The following ATP2A3 variants were observed in gnomAD, a reference collection of about 807,000 sequenced individuals.
ATP2A3 encodes ATPase sarcoplasmic/endoplasmic reticulum Ca2+ transporting 3, also known as sarcoplasmic/endoplasmic reticulum calcium ATPase 3.
Under a neutral mutation model 106.8 loss-of-function variants are expected in ATP2A3, and 61 were observed. The observed-to-expected ratio is 0.57, with a 90% CI of 0.46 to 0.71. The LOEUF (loss-of-function observed/expected upper bound fraction) is 0.71. ATP2A3 is among the 30% of genes least tolerant of loss of function. The probability of loss-of-function intolerance (pLI) is 0.00; values close to 1 mark genes in which losing one functional copy is unlikely to be tolerated. For missense variants in ATP2A3, 1,201 were observed against 1,423.5 expected (o/e 0.84, Z 2.52); for synonymous variants, 611 against 609.3 (o/e 1.00, Z -0.04).
intron 17 of ATP2A3, among the ~76,000 whole-genome samples, chr17:3,932,572 T>A (rs1157697551): frequency 1.3e-5 from 2 of 152,206 alleles, no homozygotes; most frequent in Non-Finnish European, 2.9e-5. Context: ...CCCAAGTAGC[T>A]GAGACTCCAG....
chr17:3,951,204 T>A, intron 5 of ATP2A3, 47 bp downstream of exon 5: 2 of 1,232,940 alleles, frequency 1.6e-6, no homozygotes, highest in Non-Finnish European at 1.0e-6. Context: ...ATAAAATAAA[T>A]AAATAAATAA....
At position 3,953,949 on chromosome 17, in the gene ATP2A3, C is replaced by T. The variant is rs111835756; in HGVS notation, c.119-239G>A. Among the ~76,000 whole-genome samples, 146 of 152,208 alleles carry T rather than the reference C, an allele frequency of 9.6e-4. 1 individual carries two copies. Among genetic ancestry groups the T allele is most frequent in the African/African-American group, 3.0e-3 (124 of 41,540 alleles). On this transcript the variant is annotated intron_variant, in intron 1 of 20. Coordinates refer to ENST00000397041, the MANE Select transcript of ATP2A3 (RefSeq NM_005173.4). The surrounding 1 kb of genome is among the most constrained non-coding windows in gnomAD (Gnocchi z 5.1). Reference sequence around the variant, plus strand: ...GAAGATCTAGGGTGACTTGGCTCATCGTGGGATGAGTACGGAGCCAAGAGG... The same window carrying T: ...GAAGATCTAGGGTGACTTGGCTCATTGTGGGATGAGTACGGAGCCAAGAGG...
In ATP2A3 at chr17:3,955,085, G is replaced by A. The variant is rs1267000217; in HGVS notation, c.119-1375C>T. On this transcript the variant is annotated intron_variant, in intron 1 of 20. Coordinates refer to ENST00000397041, the MANE Select transcript of ATP2A3 (RefSeq NM_005173.4). The surrounding 1 kb of genome is among the most constrained non-coding windows in gnomAD (Gnocchi z 4.2). Reference sequence around the variant, plus strand: ...CCTTCCCAGGCCGCAGTCTAACTGAGCCCTGCCTCCTCTTGTCTCTTGCCA... The same window carrying A: ...CCTTCCCAGGCCGCAGTCTAACTGAACCCTGCCTCCTCTTGTCTCTTGCCA... Among the ~76,000 whole-genome samples, 1 of 152,178 alleles carries A rather than the reference G, an allele frequency of 6.6e-6. No individual in the cohort carries two copies. Among genetic ancestry groups the A allele is most frequent in the East Asian group, 1.9e-4 (1 of 5,192 alleles).
intron 11 of ATP2A3, 66 bp downstream of exon 11, chr17:3,943,325 C>A: frequency 6.2e-7 from 1 of 1,603,948 alleles, no homozygotes; most frequent in Non-Finnish European, 8.5e-7. Flanking sequence ...GTCCTGTCTG[C>A]CTTCTCCAGA....
chr17:3,930,491 T>A lies in ATP2A3; in HGVS notation c.2611-57A>T. ...GCAGGTCAGGCGAGGGGCTGGTGGG[T>A]GGGAGGAGGGAAGCCTCATCCTGCC... On this transcript the variant is annotated intron_variant, in intron 17 of 20. Transcript: ENST00000397041. The surrounding 1 kb of genome is among the most constrained non-coding windows in gnomAD (Gnocchi z 5.4). The A allele has an allele frequency of 6.5e-7, 1 of 1,545,138 alleles. No individual in the cohort carries two copies. Among genetic ancestry groups the A allele is most frequent in the Non-Finnish European group, 8.8e-7 (1 of 1,141,186 alleles).
In ATP2A3 at chr17:3,953,005, C is replaced by T. The variant is rs566644660; in HGVS notation, c.219+342G>A. Among the ~76,000 whole-genome samples the T allele has an allele frequency of 2.0e-5, 3 of 152,264 alleles. No homozygotes were observed. Among genetic ancestry groups the T allele is most frequent in the African/African-American group, 7.2e-5 (3 of 41,548 alleles). ...TGGAAAGCCCCCACCCCCACCCCGACAAAGAATGATCTGGTCTAAACTATC... is the reference window on the plus strand; with the variant it reads ...TGGAAAGCCCCCACCCCCACCCCGATAAAGAATGATCTGGTCTAAACTATC... On this transcript the variant is annotated intron_variant, in intron 3 of 20. Coordinates refer to ENST00000397041, the MANE Select transcript of ATP2A3 (RefSeq NM_005173.4). The surrounding 1 kb of genome is among the most constrained non-coding windows in gnomAD (Gnocchi z 5.1).
Position 3,947,954 on chromosome 17 carries a change from C to T in ATP2A3, c.631-99G>A, listed in dbSNP as rs1597640290. 2.5e-6 allele frequency: 3 copies of T among 1,216,972 alleles called. No homozygotes were observed. Among genetic ancestry groups the T allele is most frequent in the African/African-American group, 3.0e-5 (2 of 66,248 alleles). 75.4% of individuals were successfully genotyped at this position (1,216,972 alleles called of 1,614,324 possible). On this transcript the variant is annotated intron_variant, in intron 7 of 20. Transcript: ENST00000397041. The surrounding 1 kb of genome is among the most constrained non-coding windows in gnomAD (Gnocchi z 7.7). Reference sequence around the variant, plus strand: ...CCGGAATAAGGCACTTATCCTTCTACCCGGCTTTCCTTTTCTCCATGTTGC... The same window carrying T: ...CCGGAATAAGGCACTTATCCTTCTATCCGGCTTTCCTTTTCTCCATGTTGC...
chr17:3,943,251 G>A lies in ATP2A3; in HGVS notation c.1419+140C>T, dbSNP rs1362345879. On this transcript the variant is annotated intron_variant, in intron 11 of 20. Transcript: ENST00000397041. ...TGCACCATTGTACTAAAGCCTGGGC[G>A]ACAGAATGAGACTCCGTCTCAAAAA... The A allele has an allele frequency of 7.4e-6, 10 of 1,354,658 alleles. No homozygotes were observed. In the Admixed American group the frequency reaches 8.3e-5, roughly 11 times the overall value. The allele number at this position is 1,354,658 out of a possible 1,614,324, so 83.9% of individuals were successfully genotyped here. A position where few individuals can be genotyped will look rare whatever the true frequency, so the allele number is the denominator to read the frequency against.
At chr17:3,951,558 G>GCAAC in intron 4 of ATP2A3, 23 bp downstream of exon 4, 1 of 716,234 alleles carries the variant, frequency 1.4e-6, no homozygotes, top group Non-Finnish European at 2.1e-6. Flanking sequence ...CCCCCGCCCG[G>GCAAC]TCCCACCCCC....
Position 3,953,360 on chromosome 17 carries a change from G to C in ATP2A3, c.206C>G (p.Ala69Gly). 1 of 1,614,010 alleles carries C rather than the reference G, an allele frequency of 6.2e-7. No individual in the cohort carries two copies. The highest frequency in any genetic ancestry group is 1.3e-5 in the African/African-American group (1 of 75,064). ...DLLVRILLLA[A>G]LVSFVLAWFE... ...GGCCCTACTTACAAAGGAGACAAGG[G>C]CAGCCAGCAGCAGGATGCGCACCAG... Residue 69 changes from alanine to glycine, a missense_variant, in exon 3 of 21, where the codon GCC (alanine) becomes GGC (glycine). Around this residue, in one of 2 missense-constraint regions of ATP2A3, gnomAD observed 266 missense variants for 246.8 expected, o/e 1.08. Transcript: ENST00000397041. The surrounding 1 kb of genome is among the most constrained non-coding windows in gnomAD (Gnocchi z 5.1).
At chr17:3,951,558 G>GGCCCCCCCCCCA in intron 4 of ATP2A3, 23 bp downstream of exon 4, 1 of 716,226 alleles carries the variant, frequency 1.4e-6, no homozygotes, top group East Asian at 4.4e-5. Context: ...CCCCCGCCCG[G>GGCCCCCCCCCCA]TCCCACCCCC....
chr17:3,935,430 G>T (rs985453905), intron 16 of ATP2A3, among the ~76,000 whole-genome samples, 153 bp from the exon 17 acceptor site: 1 of 152,192 alleles, frequency 6.6e-6, no homozygotes, highest in Non-Finnish European at 1.5e-5. Flanking sequence ...CGATGCCAGT[G>T]GTGGGCCCTG....
At position 3,926,539 on chromosome 17, in the gene ATP2A3, G is replaced by A. The variant is rs1312810637; in HGVS notation, c.2981-1098C>T. ...TCCCCAGATCTGTTCAATGCCGCTCGCCCACCTCCTGGTGTTAGTCTCACC... is the reference window on the plus strand; with the variant it reads ...TCCCCAGATCTGTTCAATGCCGCTCACCCACCTCCTGGTGTTAGTCTCACC... On this transcript the variant is annotated intron_variant, in intron 20 of 20. Transcript: ENST00000397041. This position sits in a 1 kb window ranked among gnomAD's most constrained non-coding sequence, Gnocchi z 4.6. 6.6e-6 allele frequency among the ~76,000 whole-genome samples: 1 copy of A among 152,118 alleles called. No homozygotes were observed. Among genetic ancestry groups the A allele is most frequent in the Non-Finnish European group, 1.5e-5 (1 of 68,012 alleles).
At chr17:3,931,920 G>A (rs1336701614) in intron 17 of ATP2A3, among the ~76,000 whole-genome samples, 5 of 152,158 alleles carry the variant, frequency 3.3e-5, no homozygotes, top group African/African-American at 7.2e-5. Context: ...ACTGTCTGTC[G>A]CATAAATACA....
intron 20 of ATP2A3, chr17:3,927,089 T>C: frequency 2.0e-6 from 2 of 985,468 alleles, no homozygotes; most frequent in Non-Finnish European, 2.4e-6. Context: ...AATCCTGTTC[T>C]TTCCAACCAC....
At chr17:3,940,335 G>A (rs2053689723) in intron 14 of ATP2A3, among the ~76,000 whole-genome samples, 2 of 152,128 alleles carry the variant, frequency 1.3e-5, no homozygotes, top group Admixed American at 1.3e-4. Flanking sequence ...AAGTAGGTGA[G>A]GGGGAAGTAT....
intron 10 of ATP2A3, among the ~76,000 whole-genome samples, chr17:3,944,237 T>C (rs2053953995): frequency 6.6e-6 from 1 of 152,184 alleles, no homozygotes; most frequent in Non-Finnish European, 1.5e-5. Flanking sequence ...TGCTCAAAAC[T>C]CTTCGTTGGT....
chr17:3,941,283 G>A lies in ATP2A3; in HGVS notation c.1788C>T (p.Cys596=), dbSNP rs201719837. The part of the protein sequence containing the change: ...QYETDLTFVG[C]VGMLDPPRPE... ...GTCGCGGCGGGTCCAGCATGCCTAC[G>A]CAGCCCACGAAGGTCAGGTCCGTCT... is the stretch of plus-strand genomic sequence containing the variant. The change falls in exon 14 of 21, where the codon TGC becomes TGT. Residue 596 remains cysteine, a synonymous_variant. Transcript: ENST00000397041. 1.5e-5 allele frequency: 25 copies of A among 1,613,464 alleles called. No homozygotes were observed. Among genetic ancestry groups the A allele is most frequent in the African/African-American group, 1.1e-4 (8 of 74,938 alleles).
intron 4 of ATP2A3, 35 bp downstream of exon 4, chr17:3,951,546 G>GCCCCCCCCCCCCGGCCC: frequency 3.8e-6 from 5 of 1,319,568 alleles, no homozygotes; most frequent in Non-Finnish European, 5.2e-6. Context: ...CTGGGAGACC[G>GCCCCCCCCCCCCGGCCC]CCCCCCGCCC....
Sources: allele counts gnomAD v4.1 joint callset (sites outside exome capture counted in the v4.1 genomes callset), GRCh38; gene constraint gnomAD v4.1.1; regional missense constraint gnomAD v4.1.1; non-coding constraint Gnocchi (gnomAD v3.1); transcripts MANE v1.5; gene names NCBI Gene and HGNC (gene_info 2026-07-23, HGNC 2026-07-21).